Variants in SCHIP1 observed in about 807,000 individuals in gnomAD.
The protein encoded by SCHIP1 is schwannomin-interacting protein 1.
In SCHIP1, 8 loss-of-function variants were observed where a neutral mutation model predicts 29.7. The observed-to-expected ratio is 0.27, with a 90% CI of 0.16 to 0.49. The LOEUF is 0.49. Among genes scored for constraint, SCHIP1 ranks in the 20% least tolerant of loss-of-function variants. The pLI is 0.99. For synonymous variants in SCHIP1, 76 were observed against 94.9 expected, an observed-to-expected ratio of 0.80 and a Z score of 1.16; for missense variants, 193 against 294.6, an observed-to-expected ratio of 0.66 and a Z score of 2.52.
the SCHIP1 span, among the ~76,000 whole-genome samples, chr3:159,279,529 C>A: frequency 2.0e-5 from 3 of 152,066 alleles, no homozygotes; most frequent in East Asian, 5.8e-4. Flanking sequence ...GATTTTAGAG[C>A]ACTTAGTACT....
chr3:159,891,384 G>A (rs547310821), intron 5 of SCHIP1, among the ~76,000 whole-genome samples: 18 of 151,748 alleles, frequency 1.2e-4, no homozygotes, highest in Admixed American at 1.0e-3. Flanking sequence ...AAAAGAAAAA[G>A]GAAGGAAGGA....
At chr3:159,320,497 G>A in the SCHIP1 span, among the ~76,000 whole-genome samples, 1 of 152,064 alleles carries the variant, frequency 6.6e-6, no homozygotes, top group Non-Finnish European at 1.5e-5. Context: ...AGACACTTTG[G>A]CTACCTGGTT....
the SCHIP1 span, among the ~76,000 whole-genome samples, chr3:159,780,050 T>C: frequency 1.3e-5 from 2 of 152,176 alleles, no homozygotes; most frequent in Non-Finnish European, 2.9e-5. Flanking sequence ...GGGGACTACC[T>C]CTTCCGCGTC....
upstream of SCHIP1, among the ~76,000 whole-genome samples, chr3:159,837,048 A>G (rs1352439515): frequency 2.0e-5 from 3 of 151,530 alleles, no homozygotes; most frequent in Admixed American, 6.6e-5. Flanking sequence ...CCCTAGAGCC[A>G]CCTCTGAGTC....
the SCHIP1 span, among the ~76,000 whole-genome samples, chr3:159,701,385 A>T: frequency 4.6e-3 from 693 of 152,276 alleles, no homozygotes; most frequent in Admixed American, 6.6e-3. Flanking sequence ...CCCTACTATC[A>T]ACAGTATATC....
At chr3:159,432,574 A>C in the SCHIP1 span, among the ~76,000 whole-genome samples, 1 of 152,070 alleles carries the variant, frequency 6.6e-6, no homozygotes, top group East Asian at 1.9e-4. Flanking sequence ...TAAAACTACC[A>C]CTGGCAACTA....
At chr3:159,273,749 G>A in the SCHIP1 span, 11 of 1,587,714 alleles carry the variant, frequency 6.9e-6, no homozygotes, top group South Asian at 1.0e-4. Context: ...GACCCTTTAC[G>A]GATTTCTTTC....
At chr3:159,507,660 A>C in the SCHIP1 span, among the ~76,000 whole-genome samples, 19 of 152,284 alleles carry the variant, frequency 1.2e-4, no homozygotes, top group African/African-American at 4.1e-4. Context: ...TAACTTATTG[A>C]GAGTTTTTAG....
chr3:159,838,399 T>G (rs922502896), upstream of SCHIP1, among the ~76,000 whole-genome samples: 1 of 152,214 alleles, frequency 6.6e-6, no homozygotes, highest in African/African-American at 2.4e-5. Context: ...ACTTGTTTTC[T>G]CTGTCAGTAG....
the SCHIP1 span, among the ~76,000 whole-genome samples, chr3:159,315,653 G>A: frequency 6.6e-6 from 1 of 152,016 alleles, no homozygotes; most frequent in Non-Finnish European, 1.5e-5. Flanking sequence ...ACCATTAGAA[G>A]ACAGTTAATA....
the SCHIP1 span, among the ~76,000 whole-genome samples, chr3:159,713,274 AAGAAAG>A: frequency 2.0e-5 from 3 of 151,654 alleles, no homozygotes; most frequent in South Asian, 2.1e-4. Flanking sequence ...GAAAGAAAGA[AAGAAAG>A]AAAGAAAAAA....
At chr3:159,447,653 A>G in the SCHIP1 span, among the ~76,000 whole-genome samples, 23 of 152,326 alleles carry the variant, frequency 1.5e-4, no homozygotes, top group Non-Finnish European at 2.4e-4. Flanking sequence ...TCATTATGAT[A>G]CATTGTGAGA....
chr3:159,389,293 A>G, the SCHIP1 span, among the ~76,000 whole-genome samples: 1 of 152,014 alleles, frequency 6.6e-6, no homozygotes, highest in Non-Finnish European at 1.5e-5. Context: ...CAAAAATTTT[A>G]TTTTATATAT....
chr3:159,626,845 C>G, the SCHIP1 span, among the ~76,000 whole-genome samples: 3 of 152,184 alleles, frequency 2.0e-5, no homozygotes, highest in African/African-American at 7.2e-5. Flanking sequence ...CTAGACAAAA[C>G]AGTATTATAT....
At chr3:159,334,257 G>A in the SCHIP1 span, among the ~76,000 whole-genome samples, 1 of 152,126 alleles carries the variant, frequency 6.6e-6, no homozygotes, top group Non-Finnish European at 1.5e-5. Flanking sequence ...CTGACCAGTT[G>A]ATTTTGCATG....
the SCHIP1 span, among the ~76,000 whole-genome samples, chr3:159,379,025 G>A: frequency 6.6e-6 from 1 of 152,198 alleles, no homozygotes; most frequent in African/African-American, 2.4e-5. Flanking sequence ...AACCTTCATT[G>A]AGGTTGTTTA....
At chr3:159,512,538 A>G in the SCHIP1 span, among the ~76,000 whole-genome samples, 6 of 152,212 alleles carry the variant, frequency 3.9e-5, no homozygotes, top group South Asian at 2.1e-4. Context: ...TGGTTTAGTC[A>G]TACAGTGGAA....
chr3:159,603,683 A>T, the SCHIP1 span, among the ~76,000 whole-genome samples: 2 of 152,320 alleles, frequency 1.3e-5, no homozygotes, highest in African/African-American at 4.8e-5. Context: ...AATTATTTCT[A>T]ACCCTATCCA....
the SCHIP1 span, among the ~76,000 whole-genome samples, chr3:159,558,039 G>T: frequency 1.3e-5 from 2 of 152,208 alleles, no homozygotes; most frequent in African/African-American, 4.8e-5. Context: ...CAAGAACAAT[G>T]TTGAGCCTAA....
Sources: allele counts gnomAD v4.1 joint callset (sites outside exome capture counted in the v4.1 genomes callset), GRCh38; gene constraint gnomAD v4.1.1; transcripts MANE v1.5; gene names NCBI Gene and HGNC (gene_info 2026-07-23, HGNC 2026-07-21).